The following DENND2B variants were observed in gnomAD, a reference collection of about 807,000 sequenced individuals.
DENND2B encodes DENN domain-containing protein 2B.
DENND2B carries 32 observed loss-of-function variants against 116.0 expected under a neutral mutation model. The observed-to-expected ratio is 0.28, with a 90% CI of 0.21 to 0.37. DENND2B has a LOEUF of 0.37. Among genes scored for constraint, DENND2B ranks in the 10% least tolerant of loss-of-function variants. DENND2B has a pLI of 1.00. For synonymous variants in DENND2B, 588 were observed against 583.9 expected (o/e 1.01, Z -0.10); for missense variants, 1,276 against 1,477.7 (o/e 0.86, Z 2.24).
chr11:8,852,968 G>A (rs1421925738), intron 3 of DENND2B, among the ~76,000 whole-genome samples: 2 of 151,856 alleles, frequency 1.3e-5, no homozygotes, highest in African/African-American at 4.8e-5. Flanking sequence ...TAAAATTCAT[G>A]TGAAAATCTA....
chr11:8,797,434 C>A (rs118051882), intron 1 of DENND2B, among the ~76,000 whole-genome samples: 1,701 of 126,458 alleles, frequency 0.013, 31 homozygotes, highest in East Asian at 0.1. Context: ...TTATCCCCTT[C>A]CCCCTTCTTC....
chr11:8,843,336 A>G (rs2062692235), intron 3 of DENND2B, among the ~76,000 whole-genome samples: 1 of 152,146 alleles, frequency 6.6e-6, no homozygotes, highest in South Asian at 2.1e-4. Flanking sequence ...AACAAGCTAA[A>G]GGCCCTAATT....
chr11:8,755,118 C>T (rs917731408), intron 1 of DENND2B, among the ~76,000 whole-genome samples: 4 of 152,192 alleles, frequency 2.6e-5, no homozygotes, highest in African/African-American at 9.7e-5. Flanking sequence ...ACACATCAAG[C>T]ATATTTCCAA....
In DENND2B at chr11:8,879,870, A is replaced by G. The variant is rs542355949; in HGVS notation, c.-156+1140T>C. ...GATGACCAAATTCACATGCTTAGTG[A>G]ATTCAAATAAGCATTCTAATAAAAT... On this transcript the variant is annotated intron_variant, in intron 2 of 22. Coordinates refer to the DENND2B transcript ENST00000534127. Among the ~76,000 whole-genome samples, 3 of 152,364 alleles carry G rather than the reference A, an allele frequency of 2.0e-5. No homozygotes were observed. In the South Asian group the frequency reaches 6.2e-4, roughly 32 times the overall value.
rs1421758973 is a variant in DENND2B at position 8,866,494 on chromosome 11, T to C, written c.-250+4460A>G. Among the ~76,000 whole-genome samples, 6 of 152,082 alleles carry C rather than the reference T, an allele frequency of 3.9e-5. No individual in the cohort carries two copies. In the East Asian group the frequency reaches 1.2e-3, roughly 29 times the overall value. ...TCTCCCGGGAAGACATACCAAATGA[T>C]CCCCAACCAACAATGAGCTTTGCCA... is the stretch of plus-strand genomic sequence containing the variant. On this transcript the variant is annotated intron_variant, in intron 2 of 6. Coordinates refer to the DENND2B transcript ENST00000524757.
At chr11:8,776,160 G>GCACA (rs368050554) in intron 1 of DENND2B, 221 of 390,562 alleles carry the variant, frequency 5.7e-4, no homozygotes, top group African/African-American at 4.8e-3. Flanking sequence ...GCGCGCGCGC[G>GCACA]CACACACACA....
In DENND2B at chr11:8,741,724, T is replaced by C. The variant is rs146755645; in HGVS notation, c.80+8897A>G. 6.6e-4 allele frequency among the ~76,000 whole-genome samples: 100 copies of C among 152,254 alleles called. 2 individuals carry two copies. The East Asian group carries it at 7.0e-3, about 11-fold the overall frequency. On this transcript the variant is annotated intron_variant, in intron 2 of 19. Coordinates refer to ENST00000313726, the MANE Select transcript of DENND2B (RefSeq NM_213618.2). The stretch of plus-strand genomic sequence containing the variant: ...AGCAGCTCCTAATTCCTGTCTACCA[T>C]GCTAGGAGCAAGCCCAGGCCACGTG...
chr11:8,750,767 A>C, intron 1 of DENND2B, 42 bp from the exon 2 acceptor site: 1 of 1,587,264 alleles, frequency 6.3e-7, no homozygotes, highest in African/African-American at 1.3e-5. Context: ...TTCTATAGGC[A>C]GCCAAAAGCA....
At chr11:8,725,160 T>C (rs2046872408) in intron 4 of DENND2B, among the ~76,000 whole-genome samples, 1 of 152,316 alleles carries the variant, frequency 6.6e-6, no homozygotes, top group African/African-American at 2.4e-5. Context: ...AAAATTCCTA[T>C]GTGGAAACAC....
chr11:8,702,504 A>G lies in DENND2B; in HGVS notation c.2720+68T>C, dbSNP rs749629542. The G allele has an allele frequency of 6.9e-6, 11 of 1,597,624 alleles. No individual in the cohort carries two copies. The highest frequency in any genetic ancestry group is 9.3e-6 in the Non-Finnish European group (11 of 1,177,520). On this transcript the variant is annotated intron_variant, in intron 14 of 19. Coordinates refer to ENST00000313726, the MANE Select transcript of DENND2B (RefSeq NM_213618.2). The surrounding 1 kb of genome is among the most constrained non-coding windows in gnomAD (Gnocchi z 4.6). Reference sequence around the variant, plus strand: ...CCGGCGCCTGCTTAGGCTCCTGAACACTTGCTGATTCGCTTGTGGGTGTGC... The same window carrying G: ...CCGGCGCCTGCTTAGGCTCCTGAACGCTTGCTGATTCGCTTGTGGGTGTGC...
intron 4 of DENND2B, among the ~76,000 whole-genome samples, chr11:8,821,138 A>G (rs1430611577): frequency 6.6e-6 from 1 of 150,860 alleles, no homozygotes; most frequent in Non-Finnish European, 1.5e-5. Flanking sequence ...AAAAAAATTA[A>G]TTAATTAATT....
intron 3 of DENND2B, among the ~76,000 whole-genome samples, chr11:8,729,697 C>G (rs2047755824): frequency 6.6e-6 from 1 of 152,190 alleles, no homozygotes; most frequent in South Asian, 2.1e-4. Flanking sequence ...AAGGCCAAAC[C>G]CAGCCAATAC....
chr11:8,785,838 T>C (rs2058850781), intron 1 of DENND2B: 1 of 152,206 alleles, frequency 6.6e-6, no homozygotes, highest in Non-Finnish European at 1.5e-5. Flanking sequence ...CCCAGGCTAG[T>C]ATAAGGATTA....
At chr11:8,720,481 G>A (rs1698884511) in intron 4 of DENND2B, among the ~76,000 whole-genome samples, 1 of 152,162 alleles carries the variant, frequency 6.6e-6, no homozygotes, top group Non-Finnish European at 1.5e-5. Context: ...TCAATTTCAG[G>A]AAGGCCTGCT....
intron 2 of DENND2B, among the ~76,000 whole-genome samples, chr11:8,868,703 T>C (rs920149658): frequency 9.2e-5 from 14 of 152,238 alleles, no homozygotes; most frequent in African/African-American, 3.4e-4. Context: ...ATAGAGCAGA[T>C]GCTATTACTT....
At chr11:8,894,841 CA>C (rs1203142698) in intron 1 of DENND2B, among the ~76,000 whole-genome samples, 1 of 152,120 alleles carries the variant, frequency 6.6e-6, no homozygotes, top group Non-Finnish European at 1.5e-5. Context: ...GAGAGTGTGG[CA>C]ATTCCTCAAG....
chr11:8,757,098 C>T, intron 1 of DENND2B: 1 of 456,232 alleles, frequency 2.2e-6, no homozygotes, highest in Non-Finnish European at 4.4e-6. Context: ...AGTCGCAGGC[C>T]CCGAGGGGCA....
chr11:8,697,620 G>A lies in DENND2B; in HGVS notation c.2957C>T (p.Thr986Met), dbSNP rs1366805201. 1.2e-6 allele frequency: 2 copies of A among 1,613,752 alleles called. No individual in the cohort carries two copies. Among genetic ancestry groups the A allele is most frequent in the Non-Finnish European group, 1.7e-6 (2 of 1,179,724 alleles). Residue 986 changes from threonine to methionine, a missense_variant, in exon 17 of 20, where the codon ACG becomes ATG. Around this residue, in one of 2 missense-constraint regions of DENND2B, gnomAD observed 420 missense variants for 631.1 expected, o/e 0.67. Coordinates refer to ENST00000313726, the MANE Select transcript of DENND2B (RefSeq NM_213618.2). ...RFIRQMDDED[T>M]LLPRKLQAAL... is the part of the protein sequence containing the mutation. ...TGCCTGTAACTTCCTAGGTAACAAC[G>A]TGTCTTCGTCGTCCATCTGCAGGAG...
chr11:8,855,505 A>T (rs2742551), intron 3 of DENND2B, among the ~76,000 whole-genome samples: 141,484 of 151,392 alleles, frequency 0.93, 66,846 homozygotes, highest in East Asian at 1. Flanking sequence ...CAAGACACCA[A>T]GCCCCTGCCA....
Sources: gnomAD v4.1 joint callset for allele counts (sites outside exome capture counted in the v4.1 genomes callset) on GRCh38, gnomAD v4.1.1 for gene constraint, gnomAD v4.1.1 regional missense constraint, Gnocchi (gnomAD v3.1) non-coding constraint, MANE v1.5 for transcripts, NCBI Gene and HGNC (gene_info 2026-07-23, HGNC 2026-07-21) for gene names.